NFIL3: variants seen among roughly 807,000 people sequenced by gnomAD.
The protein encoded by NFIL3 is nuclear factor, interleukin 3 regulated.
In NFIL3, 5 loss-of-function variants were observed where a neutral mutation model predicts 10.0. That is an observed-to-expected ratio of 0.50 (90% CI 0.26 to 1.06). NFIL3 has a LOEUF of 1.06. Ranked by LOEUF, NFIL3 falls within the 50% of genes least tolerant of loss-of-function variation. The pLI is 0.13. For synonymous variants in NFIL3, 202 were observed against 206.5 expected, an observed-to-expected ratio of 0.98 and a Z score of 0.19; for missense variants, 436 against 547.6, an observed-to-expected ratio of 0.80 and a Z score of 2.03.
At chr9:91,417,581 G>T (rs1429549572) in intron 1 of NFIL3, among the ~76,000 whole-genome samples, 3 of 152,208 alleles carry the variant, frequency 2.0e-5, no homozygotes, top group East Asian at 3.9e-4. Context: ...AATAAGAAAA[G>T]AATTCACTAT....
chr9:91,457,329 T>C, the NFIL3 span, among the ~76,000 whole-genome samples: 2 of 152,064 alleles, frequency 1.3e-5, no homozygotes, highest in African/African-American at 2.4e-5. Context: ...ATTTTAATAA[T>C]ATTGATTCTT....
At chr9:91,476,252 G>A in the NFIL3 span, among the ~76,000 whole-genome samples, 5 of 152,164 alleles carry the variant, frequency 3.3e-5, no homozygotes, top group Admixed American at 3.3e-4. Context: ...GTAAAATGAT[G>A]CAAAACCAAA....
the NFIL3 span, among the ~76,000 whole-genome samples, chr9:91,440,422 T>C: frequency 6.6e-6 from 1 of 152,028 alleles, no homozygotes; most frequent in South Asian, 2.1e-4. Flanking sequence ...CTAGTAAGTG[T>C]TTTTAAATTT....
chr9:91,455,309 T>C, the NFIL3 span, among the ~76,000 whole-genome samples: 1 of 152,240 alleles, frequency 6.6e-6, no homozygotes, highest in African/African-American at 2.4e-5. Flanking sequence ...GTTTGACTGA[T>C]GTTGAGTTTC....
chr9:91,473,095 T>G, the NFIL3 span, among the ~76,000 whole-genome samples: 10,368 of 151,964 alleles, frequency 0.068, 653 homozygotes, highest in East Asian at 0.16. Context: ...TCTCAGAGAG[T>G]CACCCAGCTA....
chr9:91,458,102 T>A, the NFIL3 span, among the ~76,000 whole-genome samples: 1 of 152,152 alleles, frequency 6.6e-6, no homozygotes, highest in Non-Finnish European at 1.5e-5. Flanking sequence ...GGAATTTTAA[T>A]CTGTAATTAA....
At chr9:91,478,099 A>G in the NFIL3 span, among the ~76,000 whole-genome samples, 5 of 151,670 alleles carry the variant, frequency 3.3e-5, no homozygotes, top group African/African-American at 1.2e-4. Context: ...CTTCATTTCA[A>G]CCTTGGTGAA....
chr9:91,421,418 G>C (rs995367430), intron 1 of NFIL3, among the ~76,000 whole-genome samples: 2 of 152,074 alleles, frequency 1.3e-5, no homozygotes, highest in African/African-American at 2.4e-5. Context: ...GGCGCCGCGA[G>C]GACCCCCCGC....
chr9:91,424,276 CTT>C (rs1300487452), upstream of NFIL3, among the ~76,000 whole-genome samples: 1 of 152,166 alleles, frequency 6.6e-6, no homozygotes, highest in East Asian at 1.9e-4. Flanking sequence ...CGCAGAGGCG[CTT>C]TTTGTCTTCC....
chr9:91,413,549 C>T (rs921202727), intron 1 of NFIL3, among the ~76,000 whole-genome samples: 2 of 152,206 alleles, frequency 1.3e-5, no homozygotes, highest in African/African-American at 4.8e-5. Flanking sequence ...CCACGCCCGG[C>T]CAACAATACT....
chr9:91,478,345 T>C, the NFIL3 span, among the ~76,000 whole-genome samples: 3 of 152,074 alleles, frequency 2.0e-5, no homozygotes, highest in Non-Finnish European at 4.4e-5. Context: ...GCTTTGTTCA[T>C]TCCTTTTCAC....
the NFIL3 span, among the ~76,000 whole-genome samples, chr9:91,478,170 T>C: frequency 6.6e-6 from 1 of 152,166 alleles, no homozygotes; most frequent in African/African-American, 2.4e-5. Context: ...GTGTTCTCTG[T>C]ATTTCCTGAA....
the NFIL3 span, among the ~76,000 whole-genome samples, chr9:91,433,046 G>A: frequency 2.0e-5 from 3 of 152,080 alleles, no homozygotes; most frequent in Admixed American, 6.5e-5. Flanking sequence ...TCATTTTGAA[G>A]GTCTTAGCCA....
chr9:91,426,950 C>T (rs1275064784), upstream of NFIL3: 3 of 152,114 alleles, frequency 2.0e-5, no homozygotes, highest in Admixed American at 6.5e-5. Context: ...GAATTCAGGA[C>T]GTTAGCCACA....
At chr9:91,439,321 G>A in the NFIL3 span, among the ~76,000 whole-genome samples, 1 of 152,200 alleles carries the variant, frequency 6.6e-6, no homozygotes, top group South Asian at 2.1e-4. Context: ...TTATTATTCT[G>A]TGAGTAAAAA....
the NFIL3 span, among the ~76,000 whole-genome samples, chr9:91,469,849 G>A: frequency 6.6e-4 from 101 of 152,202 alleles, no homozygotes; most frequent in Non-Finnish European, 1.0e-3. Context: ...ATTTGCGTAT[G>A]TTGAACCAGC....
chr9:91,470,222 C>G, the NFIL3 span, among the ~76,000 whole-genome samples: 2 of 151,706 alleles, frequency 1.3e-5, no homozygotes, highest in African/African-American at 4.9e-5. Flanking sequence ...TGTTATTGGT[C>G]TATTCAGGGA....
At chr9:91,433,795 C>T in the NFIL3 span, among the ~76,000 whole-genome samples, 1 of 152,082 alleles carries the variant, frequency 6.6e-6, no homozygotes, top group African/African-American at 2.4e-5. Flanking sequence ...GGTGCCTAGG[C>T]AGTGTTTAAT....
chr9:91,414,655 T>G (rs1317559385), intron 1 of NFIL3, among the ~76,000 whole-genome samples: 1 of 152,272 alleles, frequency 6.6e-6, no homozygotes. Flanking sequence ...ATTACATTCA[T>G]GGTCTCTACA....
Sources: allele counts gnomAD v4.1 joint callset (sites outside exome capture counted in the v4.1 genomes callset), GRCh38; gene constraint gnomAD v4.1.1; transcripts MANE v1.5; gene names NCBI Gene and HGNC (gene_info 2026-07-23, HGNC 2026-07-21).